Variants in GPCPD1 observed in about 807,000 individuals in gnomAD.
The protein encoded by GPCPD1 is glycerophosphocholine phosphodiesterase GPCPD1.
A neutral mutation model predicts 89.2 loss-of-function variants in GPCPD1; 29 were observed. That is an observed-to-expected ratio of 0.33 (90% CI 0.24 to 0.44). The LOEUF (loss-of-function observed/expected upper bound fraction) is 0.44, where lower values mean the gene tolerates loss of function less well. GPCPD1 is among the 20% of genes least tolerant of loss of function. GPCPD1 has a pLI of 1.00. For missense variants in GPCPD1, 594 were observed against 808.9 expected (o/e 0.73, Z 3.22); for synonymous variants, 258 against 266.3 (o/e 0.97, Z 0.30).
Position 5,559,913 on chromosome 20 carries a change from T to C in GPCPD1, c.1532+27A>G, listed in dbSNP as rs1490195059. ...AAGTCCTAGACACATTCTAAGAGTA[T>C]AGGAAAAAATACAGAGTATTACTCA... is the stretch of plus-strand genomic sequence containing the variant. On this transcript the variant is annotated intron_variant, in intron 17 of 19. Transcript: ENST00000379019. 5.2e-6 allele frequency: 7 copies of C among 1,350,866 alleles called. No individual in the cohort carries two copies. The African/African-American group carries it at 6.0e-5, about 12-fold the overall frequency. The allele number at this position is 1,350,866 out of a possible 1,614,324, so 83.7% of individuals were successfully genotyped here. A position where few individuals can be genotyped will look rare whatever the true frequency, so the allele number is the denominator to read the frequency against.
At chr20:5,578,235 G>A in intron 8 of GPCPD1, 145 bp downstream of exon 8, 1 of 614,240 alleles carries the variant, frequency 1.6e-6, no homozygotes, top group African/African-American at 1.8e-5. Flanking sequence ...ACAACTCTAA[G>A]TTTTTTAAGC....
intron 4 of GPCPD1, among the ~76,000 whole-genome samples, chr20:5,592,943 T>C (rs1268720822): frequency 6.6e-6 from 1 of 152,194 alleles, no homozygotes; most frequent in Non-Finnish European, 1.5e-5. Context: ...TTTTAATTAC[T>C]CACTTAAAAC....
In GPCPD1 at chr20:5,594,314, G is replaced by A. The variant is rs557465221; in HGVS notation, c.147-903C>T. 6.4e-4 allele frequency among the ~76,000 whole-genome samples: 96 copies of A among 150,146 alleles called. 1 individual carries two copies. The highest frequency in any genetic ancestry group is 2.3e-3 in the African/African-American group (92 of 40,802). On this transcript the variant is annotated intron_variant, in intron 3 of 19. Coordinates refer to ENST00000379019, the MANE Select transcript of GPCPD1 (RefSeq NM_019593.5). The stretch of plus-strand genomic sequence containing the variant: ...AGGTAACTTTTTTTTTTTTGAGACG[G>A]AGTCTTGCTCTGTCACCCAGAGTGA...
rs1401321615 is a variant in GPCPD1, at chr20:5,592,235, TG to T, written c.231+1091del. ...GTAAACTTTCCATATCTATGACCTA[TG>T]TATCTACACACAATTGCTTAAGTTA... On this transcript the variant is annotated intron_variant, in intron 4 of 19. Coordinates refer to ENST00000379019, the MANE Select transcript of GPCPD1 (RefSeq NM_019593.5). Among the ~76,000 whole-genome samples the T allele has an allele frequency of 2.6e-5, 4 of 152,100 alleles. No individual in the cohort carries two copies. In the East Asian group the frequency reaches 7.7e-4, roughly 29 times the overall value.
chr20:5,605,820 A>T (rs1980545881), intron 1 of GPCPD1, among the ~76,000 whole-genome samples: 1 of 152,070 alleles, frequency 6.6e-6, no homozygotes, highest in Admixed American at 6.5e-5. Context: ...GACCATCATT[A>T]CTCAGGTTCT....
intron 6 of GPCPD1, 133 bp downstream of exon 6, chr20:5,584,148 G>T: frequency 3.8e-6 from 2 of 528,890 alleles, no homozygotes; most frequent in Non-Finnish European, 7.0e-6. Context: ...CGTGTGGCCT[G>T]TCTTTGACCA....
rs1344490244 is a variant in GPCPD1 at position 5,567,566 on chromosome 20, A to C, written c.1150-6T>G. 1 of 1,462,982 alleles carries C rather than the reference A, an allele frequency of 6.8e-7. No homozygotes were observed. Among genetic ancestry groups the C allele is most frequent in the African/African-American group, 1.4e-5 (1 of 70,286 alleles). The allele number at this position is 1,462,982 out of a possible 1,614,324, so 90.6% of individuals were successfully genotyped here. A position where few individuals can be genotyped will look rare whatever the true frequency, so the allele number is the denominator to read the frequency against. The stretch of plus-strand genomic sequence containing the variant: ...ACTGGATCAGCATCAAATTTCTAAA[A>C]AAAAAAAAAAAAGAAAGAAAGAAAA... On this transcript the variant is annotated splice_region_variant and splice_polypyrimidine_tract_variant and intron_variant, in intron 12 of 19. Transcript: ENST00000379019.
intron 6 of GPCPD1, among the ~76,000 whole-genome samples, chr20:5,581,190 G>A (rs1446165485): frequency 6.6e-6 from 1 of 152,092 alleles, no homozygotes; most frequent in African/African-American, 2.4e-5. Flanking sequence ...CATTCACACT[G>A]TAATAATACA....
intron 1 of GPCPD1, among the ~76,000 whole-genome samples, chr20:5,607,783 A>ACTC (rs1418181374): frequency 6.7e-6 from 1 of 149,542 alleles, no homozygotes; most frequent in Non-Finnish European, 1.5e-5. Flanking sequence ...GTGCCACCAC[A>ACTC]CTCCTGCCTG....
intron 11 of GPCPD1, 57 bp from the exon 12 acceptor site, chr20:5,570,296 A>G (rs959454572): frequency 1.2e-6 from 1 of 830,592 alleles, no homozygotes; most frequent in African/African-American, 1.7e-5. Context: ...TACCTCTCAA[A>G]CTGCAAGAAC....
intron 11 of GPCPD1, among the ~76,000 whole-genome samples, chr20:5,573,383 G>C (rs1986828567): frequency 6.6e-6 from 1 of 152,096 alleles, no homozygotes; most frequent in African/African-American, 2.4e-5. Flanking sequence ...ACTGTGCCCA[G>C]CCAGCATTCT....
chr20:5,549,142 G>A (rs1403614400), intron 19 of GPCPD1: 1 of 651,084 alleles, frequency 1.5e-6, no homozygotes, highest in African/African-American at 1.8e-5. Flanking sequence ...GGGAAGATGA[G>A]AAAAACAAAC....
chr20:5,603,061 G>C (rs1195586322), intron 2 of GPCPD1, among the ~76,000 whole-genome samples: 1 of 151,360 alleles, frequency 6.6e-6, no homozygotes, highest in African/African-American at 2.4e-5. Context: ...GGGAGGCCGA[G>C]AGGCAGGTGG....
At chr20:5,579,234 T>C (rs1235072179) in intron 7 of GPCPD1, among the ~76,000 whole-genome samples, 3 of 152,124 alleles carry the variant, frequency 2.0e-5, no homozygotes, top group Non-Finnish European at 4.4e-5. Context: ...TCAAAAATTT[T>C]TTCCTGTGTG....
At chr20:5,589,189 G>A (rs928257309) in intron 4 of GPCPD1, among the ~76,000 whole-genome samples, 1 of 152,040 alleles carries the variant, frequency 6.6e-6, no homozygotes, top group Non-Finnish European at 1.5e-5. Flanking sequence ...ATGTACATTG[G>A]TTGGTAAACT....
chr20:5,583,293 T>TAGC (rs2122708859), intron 6 of GPCPD1, among the ~76,000 whole-genome samples: 1 of 147,784 alleles, frequency 6.8e-6, no homozygotes, highest in African/African-American at 2.5e-5. Context: ...CCTGTAATCC[T>TAGC]AGCACTTTGG....
chr20:5,577,554 ATACTTTTATAATAGAGTCCCACAGATCT>A (rs1185312625), intron 8 of GPCPD1, among the ~76,000 whole-genome samples: 2 of 152,080 alleles, frequency 1.3e-5, no homozygotes, highest in African/African-American at 4.8e-5. Flanking sequence ...TCAAAATTTC[ATACTTTTATAATAGAGTCCCACAGATCT>A]TACTGCTTAC....
rs11466989 is a variant in GPCPD1 at position 5,604,774 on chromosome 20, T to TACACACACACACACACACACACAC, written c.-28-358_-28-335dup. Among the ~76,000 whole-genome samples the TACACACACACACACACACACACAC allele has an allele frequency of 2.7e-3, 375 of 139,162 alleles. 5 individuals carry two copies. The highest frequency in any genetic ancestry group is 3.5e-3 in the Non-Finnish European group (225 of 64,828). The allele number at this position is 139,162 out of a possible 152,430, so 91.3% of individuals were successfully genotyped here. A position where few individuals can be genotyped will look rare whatever the true frequency, so the allele number is the denominator to read the frequency against. On this transcript the variant is annotated intron_variant, in intron 1 of 19. Coordinates refer to ENST00000379019, the MANE Select transcript of GPCPD1 (RefSeq NM_019593.5). The stretch of plus-strand genomic sequence containing the variant: ...GGGCAATATAGTGAGGCCTCATGTC[T>TACACACACACACACACACACACAC]ACACACACACACACACACACACACA...
intron 19 of GPCPD1, among the ~76,000 whole-genome samples, chr20:5,550,025 T>C (rs1985290344): frequency 6.6e-6 from 1 of 151,652 alleles, no homozygotes; most frequent in Non-Finnish European, 1.5e-5. Flanking sequence ...AAACCCTGTC[T>C]CTACTAAAAT....
Sources: allele counts gnomAD v4.1 joint callset (sites outside exome capture counted in the v4.1 genomes callset), GRCh38; gene constraint gnomAD v4.1.1; transcripts MANE v1.5; gene names NCBI Gene and HGNC (gene_info 2026-07-23, HGNC 2026-07-21).